The following COPA variants were observed in gnomAD, a reference collection of about 807,000 sequenced individuals.
The protein encoded by COPA is coat protein complex I subunit alpha.
COPA carries 10 observed loss-of-function variants against 158.7 expected under a neutral mutation model. That is an observed-to-expected ratio of 0.06 (90% CI 0.04 to 0.11). The LOEUF (loss-of-function observed/expected upper bound fraction) is 0.11. Ranked by LOEUF, COPA falls within the 10% of genes least tolerant of loss-of-function variation. The pLI is 1.00. For missense variants in COPA, 1,065 were observed against 1,536.7 expected, an observed-to-expected ratio of 0.69 and a Z score of 5.13; for synonymous variants, 462 against 542.8, an observed-to-expected ratio of 0.85 and a Z score of 2.07.
intron 7 of COPA, 51 bp from the exon 8 acceptor site, chr1:160,323,581 G>T: frequency 7.3e-7 from 1 of 1,378,242 alleles, no homozygotes; most frequent in Non-Finnish European, 1.0e-6. Context: ...ATTACTCAAA[G>T]CAAACCAATG....
rs1658816918 is a variant in COPA at position 160,307,200 on chromosome 1, G to A, written c.1265C>T (p.Ala422Val). Residue 422 changes from alanine (A) to valine (V), a missense_variant, in exon 14 of 33, where the codon GCT (alanine) becomes GTT (valine). Ala to Val is a moderately conservative substitution (Grantham distance 64, BLOSUM62 0). This residue lies in a region of COPA where 980 missense variants were observed against 1,357.8 expected (regional missense o/e 0.72). Coordinates refer to ENST00000241704, the MANE Select transcript of COPA (RefSeq NM_004371.4). ...ATCTAGGACAGCAAACCGATTTCGAGCGACCCAAACGGCTGTCAGGCCTGA... is the reference window on the plus strand; with the variant it reads ...ATCTAGGACAGCAAACCGATTTCGAACGACCCAAACGGCTGTCAGGCCTGA... ...RSSGLTAVWV[A>V]RNRFAVLDRM... 1.2e-6 allele frequency: 2 copies of A among 1,614,192 alleles called. No individual in the cohort carries two copies. Among genetic ancestry groups the A allele is most frequent in the Non-Finnish European group, 1.7e-6 (2 of 1,180,030 alleles).
chr1:160,296,277 C>T lies in COPA; in HGVS notation c.2264-128G>A, dbSNP rs1453392692. ...ATTCAAGTTGTTGCAAAATACCCAC[C>T]TCTTAAGTGTGGGCTGGATTTATTA... On this transcript the variant is annotated intron_variant, in intron 21 of 32. Transcript: ENST00000241704. The T allele has an allele frequency of 3.4e-5, 24 of 705,474 alleles. No individual in the cohort carries two copies. The South Asian group carries it at 3.7e-4, about 11-fold the overall frequency. 43.7% of individuals were successfully genotyped at this position (705,474 alleles called of 1,614,324 possible). A position where few individuals can be genotyped will look rare whatever the true frequency, so the allele number is the denominator to read the frequency against.
At chr1:160,309,411 A>G (rs1029883284) in intron 12 of COPA, among the ~76,000 whole-genome samples, 1 of 152,254 alleles carries the variant, frequency 6.6e-6, no homozygotes, top group East Asian at 1.9e-4. Flanking sequence ...CCAAAGATGC[A>G]GATATTATCT....
At chr1:160,292,220 G>A in intron 28 of COPA, 22 bp from the exon 29 acceptor site, 1 of 1,606,178 alleles carries the variant, frequency 6.2e-7, no homozygotes, top group Non-Finnish European at 8.5e-7. Context: ...AAAGTAGGAA[G>A]AAGACAGGAT....
intron 4 of COPA, 140 bp downstream of exon 4, chr1:160,335,102 A>C (rs1203896178): frequency 1.9e-5 from 11 of 569,018 alleles, no homozygotes; most frequent in Non-Finnish European, 2.8e-5. Context: ...AAAAAGCAGA[A>C]AGGACAATAC....
chr1:160,329,356 A>ATAG (rs1219554419), intron 6 of COPA, among the ~76,000 whole-genome samples: 1 of 152,240 alleles, frequency 6.6e-6, no homozygotes, highest in Non-Finnish European at 1.5e-5. Flanking sequence ...AGGTTATTAC[A>ATAG]TAGTAATCCA....
chr1:160,336,019 T>C (rs1486526385), intron 3 of COPA, among the ~76,000 whole-genome samples: 1 of 150,570 alleles, frequency 6.6e-6, no homozygotes, highest in African/African-American at 2.5e-5. Context: ...GGCTTGAATA[T>C]AGACCCCTTA....
In COPA at chr1:160,294,531, C is replaced by T. The variant is rs1179939057; in HGVS notation, c.2629G>A (p.Gly877Arg). 6.2e-7 allele frequency: 1 copy of T among 1,614,220 alleles called. No homozygotes were observed. The highest frequency in any genetic ancestry group is 2.2e-5 in the East Asian group (1 of 44,884). ...DDALGKGQEE[G>R]GGWDVEEDLE... is the part of the protein sequence containing the mutation. Reference sequence around the variant, plus strand: ...TCTTCTTCTACATCCCAGCCACCTCCTTCTTCCTGTCCCTTGCCAAGAGCA... The same window carrying T: ...TCTTCTTCTACATCCCAGCCACCTCTTTCTTCCTGTCCCTTGCCAAGAGCA... Residue 877 changes from glycine (G) to arginine (R), a missense_variant, in exon 25 of 33, where the codon GGA (glycine) becomes AGA (arginine). Around this residue, in one of 2 missense-constraint regions of COPA, gnomAD observed 980 missense variants for 1,357.8 expected, o/e 0.72. Coordinates refer to ENST00000241704, the MANE Select transcript of COPA (RefSeq NM_004371.4).
intron 22 of COPA, 71 bp from the exon 23 acceptor site, chr1:160,295,930 T>C: frequency 1.3e-6 from 2 of 1,574,178 alleles, no homozygotes. Flanking sequence ...TTATGGAGCC[T>C]CCTTTGATCT....
chr1:160,293,180 C>G lies in COPA; in HGVS notation c.2809G>C (p.Glu937Gln). The G allele has an allele frequency of 1.9e-6, 3 of 1,614,086 alleles. No individual in the cohort carries two copies. The highest frequency in any genetic ancestry group is 2.5e-6 in the Non-Finnish European group (3 of 1,180,024). ...AGGTTACTTACCCGCATGGCTGTTT[C>G]GAAAGAGCCTGCCAGGATGTGATCA... is the stretch of plus-strand genomic sequence containing the variant. ...PVDHILAGSFETAMRLLHDQV... is the reference protein window; with the variant it reads ...PVDHILAGSFQTAMRLLHDQV... Residue 937 changes from glutamate (E) to glutamine (Q), a missense_variant, in exon 27 of 33, where the codon GAA (glutamate) becomes CAA (glutamine). This residue lies in a region of COPA where 980 missense variants were observed against 1,357.8 expected (regional missense o/e 0.72). Coordinates refer to ENST00000241704, the MANE Select transcript of COPA (RefSeq NM_004371.4).
At position 160,294,569 on chromosome 1, in the gene COPA, C is replaced by T; in HGVS notation, c.2591G>A (p.Gly864Asp). ...DEDGFVEATEGLGDDALGKGQ... is the reference protein window; with the variant it reads ...DEDGFVEATEDLGDDALGKGQ... ...CTTGCCAAGAGCATCATCCCCCAAA[C>T]CTTCTGTAGCCTCCACAAACCCATC... The change falls in exon 25 of 33, where the codon GGT becomes GAT. Residue 864 changes from glycine to aspartate, a missense_variant. Physicochemically the swap from Gly to Asp is moderately conservative, Grantham distance 94 (BLOSUM62 -1). Around this residue, in one of 2 missense-constraint regions of COPA, gnomAD observed 980 missense variants for 1,357.8 expected, o/e 0.72. Coordinates refer to ENST00000241704, the MANE Select transcript of COPA (RefSeq NM_004371.4). 1 of 1,614,190 alleles carries T rather than the reference C, an allele frequency of 6.2e-7. No homozygotes were observed. The highest frequency in any genetic ancestry group is 1.1e-5 in the South Asian group (1 of 91,082).
At chr1:160,330,380 A>G (rs369770222) in intron 6 of COPA, among the ~76,000 whole-genome samples, 34 of 152,312 alleles carry the variant, frequency 2.2e-4, no homozygotes, top group African/African-American at 7.9e-4. Context: ...GTGTACTTCA[A>G]AAAACCTTGT....
chr1:160,305,456 G>A lies in COPA; in HGVS notation c.1644C>T (p.His548=), dbSNP rs1445261756. The A allele has an allele frequency of 6.2e-7, 1 of 1,614,148 alleles. No homozygotes were observed. Among genetic ancestry groups the A allele is most frequent in the Non-Finnish European group, 8.5e-7 (1 of 1,180,020 alleles). ...ACCCAGTGGTGACAGCATATTTGAT[G>A]TGGTTGCTTGTGGTATAGATAAATA... ...SGVFIYTTSN[H]IKYAVTTGDH... Residue 548 remains histidine (H), a synonymous_variant, in exon 17 of 33, where the codon CAC becomes CAT. Coordinates refer to ENST00000241704, the MANE Select transcript of COPA (RefSeq NM_004371.4).
chr1:160,341,903 C>A (rs895546397), intron 1 of COPA, among the ~76,000 whole-genome samples: 5 of 152,082 alleles, frequency 3.3e-5, no homozygotes, highest in Middle Eastern at 3.4e-3. Flanking sequence ...TTCTGTACTG[C>A]CCAGCAAGAA....
At chr1:160,307,460 C>T (rs977984486) in intron 13 of COPA, among the ~76,000 whole-genome samples, 6 of 152,242 alleles carry the variant, frequency 3.9e-5, no homozygotes, top group Non-Finnish European at 2.9e-5. Context: ...TGCCAAGGCT[C>T]TTTTCTCTAG....
At chr1:160,343,068 T>G in intron 1 of COPA, 63 bp downstream of exon 1, 6 of 1,599,746 alleles carry the variant, frequency 3.8e-6, no homozygotes, top group Non-Finnish European at 5.1e-6. Flanking sequence ...CATTTTCTCT[T>G]CCCCGGTGTC....
intron 21 of COPA, 33 bp downstream of exon 21, chr1:160,297,310 C>T (rs1172636081): frequency 6.3e-7 from 1 of 1,583,624 alleles, no homozygotes; most frequent in Non-Finnish European, 8.7e-7. Flanking sequence ...CTTCCTCAGA[C>T]CCTGAAAAAG....
chr1:160,304,105 C>T (rs1658703102), intron 17 of COPA, among the ~76,000 whole-genome samples: 1 of 151,862 alleles, frequency 6.6e-6, no homozygotes, highest in Non-Finnish European at 1.5e-5. Flanking sequence ...GCCTTTGCCT[C>T]CTGGGTTCAA....
intron 27 of COPA, 105 bp from the exon 28 acceptor site, chr1:160,292,725 A>C: frequency 2.3e-6 from 2 of 866,314 alleles, no homozygotes; most frequent in Non-Finnish European, 3.5e-6. Flanking sequence ...CTCATCAGTA[A>C]AATACACTTA....
Sources: allele counts gnomAD v4.1 joint callset (sites outside exome capture counted in the v4.1 genomes callset), GRCh38; gene constraint gnomAD v4.1.1; regional missense constraint gnomAD v4.1.1; transcripts MANE v1.5; gene names NCBI Gene and HGNC (gene_info 2026-07-23, HGNC 2026-07-21).